Variants in LRRC4C observed in about 807,000 individuals in gnomAD.
LRRC4C encodes leucine-rich repeat-containing protein 4C.
A neutral mutation model predicts 33.6 loss-of-function variants in LRRC4C; 5 were observed. The observed-to-expected ratio is 0.15, with a 90% CI of 0.08 to 0.31. The LOEUF is 0.31. Among genes scored for constraint, LRRC4C ranks in the 10% least tolerant of loss-of-function variants. The pLI, the probability that LRRC4C is intolerant of heterozygous loss-of-function variation, is 1.00. For missense variants in LRRC4C, 560 were observed against 796.7 expected, an observed-to-expected ratio of 0.70 and a Z score of 3.58; for synonymous variants, 329 against 302.0, an observed-to-expected ratio of 1.09 and a Z score of -0.93.
intron 1 of LRRC4C, among the ~76,000 whole-genome samples, chr11:41,160,241 G>A (rs760087342): frequency 9.9e-5 from 15 of 151,876 alleles, no homozygotes; most frequent in Non-Finnish European, 1.6e-4. Flanking sequence ...ACAATGATGG[G>A]TGCCATTGTC....
At chr11:41,065,668 G>A (rs538373251) in intron 1 of LRRC4C, among the ~76,000 whole-genome samples, 1 of 152,280 alleles carries the variant, frequency 6.6e-6, no homozygotes, top group South Asian at 2.1e-4. Context: ...GGAGAGCTTT[G>A]GCTGGCAACA....
chr11:40,345,123 T>C (rs1425679658), intron 3 of LRRC4C, among the ~76,000 whole-genome samples: 1 of 152,062 alleles, frequency 6.6e-6, no homozygotes. Context: ...TCCTATCAAA[T>C]TCAATTGAAT....
At chr11:40,926,638 C>T (rs1319366054) in intron 2 of LRRC4C, among the ~76,000 whole-genome samples, 1 of 152,060 alleles carries the variant, frequency 6.6e-6, no homozygotes, top group Middle Eastern at 3.2e-3. Flanking sequence ...TATTCATCCA[C>T]CACTGTTTTT....
At chr11:40,291,023 T>C (rs1247417171) in intron 4 of LRRC4C, among the ~76,000 whole-genome samples, 1 of 152,154 alleles carries the variant, frequency 6.6e-6, no homozygotes, top group East Asian at 1.9e-4. Context: ...TCTCATGCTG[T>C]TTGGCCATTA....
chr11:40,478,603 T>C (rs1359917341), intron 3 of LRRC4C, among the ~76,000 whole-genome samples: 3 of 152,198 alleles, frequency 2.0e-5, no homozygotes, highest in Non-Finnish European at 4.4e-5. Flanking sequence ...TACAGGTTGT[T>C]ACATAGGTAT....
chr11:40,496,210 C>A (rs1487386696), intron 3 of LRRC4C, among the ~76,000 whole-genome samples: 1 of 152,118 alleles, frequency 6.6e-6, no homozygotes, highest in Non-Finnish European at 1.5e-5. Context: ...CCTCCCTGAT[C>A]TACATGAATT....
intron 1 of LRRC4C, among the ~76,000 whole-genome samples, chr11:41,415,612 G>A (rs1954647400): frequency 6.6e-6 from 1 of 152,068 alleles, no homozygotes; most frequent in Non-Finnish European, 1.5e-5. Flanking sequence ...CAACATGGAT[G>A]GGTAAAAGCC....
intron 2 of LRRC4C, among the ~76,000 whole-genome samples, chr11:40,877,146 C>T: frequency 1.7e-5 from 1 of 58,934 alleles, no homozygotes. Context: ...TTTTGGCTAG[C>T]CAGAATCTCT....
intron 3 of LRRC4C, among the ~76,000 whole-genome samples, chr11:40,422,634 G>C (rs958707497): frequency 6.6e-6 from 1 of 151,454 alleles, no homozygotes; most frequent in Non-Finnish European, 1.5e-5. Flanking sequence ...TACGAAAACT[G>C]TATCAGTCAT....
chr11:40,114,292 T>G lies in LRRC4C; in HGVS notation c.*78A>C. ...AAGACACTTTTTTGAAACAGTAGAT[T>G]TAGCCCAGTCATTTGTGTCATTTTT... On this transcript the variant is annotated 3_prime_UTR_variant, in exon 7 of 7. Transcript: ENST00000528697. 1 of 1,413,036 alleles carries G rather than the reference T, an allele frequency of 7.1e-7. No individual in the cohort carries two copies. The highest frequency in any genetic ancestry group is 2.4e-5 in the East Asian group (1 of 42,416). 87.5% of individuals were successfully genotyped at this position (1,413,036 alleles called of 1,614,324 possible).
At chr11:40,756,983 T>C (rs77658621) in intron 2 of LRRC4C, among the ~76,000 whole-genome samples, 7,769 of 152,100 alleles carry the variant, frequency 0.051, 280 homozygotes, top group Middle Eastern at 0.095. Flanking sequence ...CTTTTAAACG[T>C]AGTAGCATCC....
chr11:40,525,631 A>G (rs1956014419), intron 3 of LRRC4C, among the ~76,000 whole-genome samples: 1 of 152,190 alleles, frequency 6.6e-6, no homozygotes, highest in Non-Finnish European at 1.5e-5. Flanking sequence ...GAATTACTTT[A>G]TTTATGCACT....
intron 1 of LRRC4C, among the ~76,000 whole-genome samples, chr11:41,079,276 AG>A: frequency 6.6e-6 from 1 of 152,294 alleles, no homozygotes; most frequent in Admixed American, 6.5e-5. Context: ...TGAAGTTGGT[AG>A]GAGACTTGAT....
At chr11:40,832,879 A>G (rs1565112927) in intron 2 of LRRC4C, among the ~76,000 whole-genome samples, 1 of 152,098 alleles carries the variant, frequency 6.6e-6, no homozygotes, top group East Asian at 1.9e-4. Flanking sequence ...AAATCATCCG[A>G]GTTCATTTGT....
intron 3 of LRRC4C, among the ~76,000 whole-genome samples, chr11:40,437,238 T>A (rs753418878): frequency 2.0e-5 from 3 of 152,174 alleles, no homozygotes; most frequent in Non-Finnish European, 4.4e-5. Context: ...TCAACCTGCA[T>A]CATTGTTTCA....
chr11:41,209,191 A>G (rs1363968374), intron 1 of LRRC4C, among the ~76,000 whole-genome samples: 1 of 150,842 alleles, frequency 6.6e-6, no homozygotes, highest in East Asian at 1.9e-4. Flanking sequence ...GTATCCCTGA[A>G]CCTAAAATAA....
At position 40,699,137 on chromosome 11, in the gene LRRC4C, G is replaced by A. The variant is rs188784502; in HGVS notation, c.-406-50859C>T. ...TGGTATTCCTGCTATACCTAAATCC[G>A]TTCATTACAATCATCTAAATTTTGA... On this transcript the variant is annotated intron_variant, in intron 2 of 6. Transcript: ENST00000528697. 4.1e-3 allele frequency among the ~76,000 whole-genome samples: 629 copies of A among 152,164 alleles called. 4 individuals are homozygous for A. Among genetic ancestry groups the A allele is most frequent in the Non-Finnish European group, 7.4e-3 (505 of 68,010 alleles).
chr11:40,704,401 GCTCACAAC>G (rs1946037142), intron 2 of LRRC4C, among the ~76,000 whole-genome samples: 1 of 152,092 alleles, frequency 6.6e-6, no homozygotes, highest in Non-Finnish European at 1.5e-5. Context: ...TCTTCCTCCA[GCTCACAAC>G]CTTTCACTCA....
intron 2 of LRRC4C, among the ~76,000 whole-genome samples, chr11:40,856,719 G>T (rs768915682): frequency 6.6e-6 from 1 of 152,134 alleles, no homozygotes; most frequent in Non-Finnish European, 1.5e-5. Flanking sequence ...TGTTTCAAAT[G>T]AAATCATTTC....
Sources: gnomAD v4.1 joint callset for allele counts (sites outside exome capture counted in the v4.1 genomes callset) on GRCh38, gnomAD v4.1.1 for gene constraint, MANE v1.5 for transcripts, NCBI Gene and HGNC (gene_info 2026-07-23, HGNC 2026-07-21) for gene names.